Variants in ESCO2 observed in about 807,000 individuals in gnomAD.
ESCO2 encodes the protein establishment of sister chromatid cohesion N-acetyltransferase 2, also known as N-acetyltransferase ESCO2.
In ESCO2, 51 loss-of-function variants were observed where a neutral mutation model predicts 61.7. The ratio of observed to expected loss-of-function variants is 0.83; its 90% CI spans 0.66 to 1.04. ESCO2 has a LOEUF of 1.04. Ranked by LOEUF, ESCO2 falls within the 50% of genes least tolerant of loss-of-function variation. The probability of loss-of-function intolerance (pLI) is 0.00; values close to 1 mark genes in which losing one functional copy is unlikely to be tolerated. For synonymous variants in ESCO2, 230 were observed against 238.2 expected, an observed-to-expected ratio of 0.97 and a Z score of 0.32; for missense variants, 692 against 686.2, an observed-to-expected ratio of 1.01 and a Z score of -0.09.
chr8:27,793,484 T>G (rs533457631), intron 9 of ESCO2, among the ~76,000 whole-genome samples: 2 of 148,274 alleles, frequency 1.3e-5, no homozygotes, highest in African/African-American at 5.2e-5. Flanking sequence ...TCTTTGTTTT[T>G]TTTTTTTTTT....
At chr8:27,799,098 T>C (rs1309123699) in intron 9 of ESCO2, among the ~76,000 whole-genome samples, 1 of 151,972 alleles carries the variant, frequency 6.6e-6, no homozygotes, top group Non-Finnish European at 1.5e-5. Flanking sequence ...TCCTCTGTAG[T>C]GGTTTTTTTC....
downstream of ESCO2, chr8:27,808,213 G>A: frequency 8.1e-7 from 1 of 1,242,070 alleles, no homozygotes; most frequent in Non-Finnish European, 1.0e-6. Flanking sequence ...GATTAAATAG[G>A]TACCAGGAGA....
At chr8:27,801,969 A>ATTTTTTTTTTTTTTT (rs34539100) in intron 10 of ESCO2, among the ~76,000 whole-genome samples, 3 of 83,794 alleles carry the variant, frequency 3.6e-5, no homozygotes, top group Non-Finnish European at 6.4e-5. Flanking sequence ...CCTTCATGGC[A>ATTTTTTTTTTTTTTT]TTTTTTTTTT....
intron 4 of ESCO2, among the ~76,000 whole-genome samples, chr8:27,781,113 T>G (rs1190109468): frequency 1.3e-5 from 2 of 152,188 alleles, no homozygotes; most frequent in Non-Finnish European, 2.9e-5. Context: ...GGTATAAGGA[T>G]ATGGGAGAAA....
chr8:27,796,695 G>A (rs138735545), intron 9 of ESCO2, among the ~76,000 whole-genome samples: 18 of 152,190 alleles, frequency 1.2e-4, no homozygotes, highest in African/African-American at 4.1e-4. Flanking sequence ...TTTTCCTCCC[G>A]TCATTGATCT....
chr8:27,815,990 A>G (rs1035959579), downstream of ESCO2, among the ~76,000 whole-genome samples: 3 of 152,174 alleles, frequency 2.0e-5, no homozygotes, highest in South Asian at 6.2e-4. Context: ...ACTACATTCA[A>G]AGAGTTTAAG....
upstream of ESCO2, chr8:27,772,691 G>T: frequency 1.5e-6 from 1 of 686,390 alleles, no homozygotes. Flanking sequence ...GCCGGCCGTG[G>T]GCGCCATTTT....
Position 27,775,548 on chromosome 8 carries a change from G to T in ESCO2, c.34G>T (p.Asp12Tyr). 1 of 1,614,124 alleles carries T rather than the reference G, an allele frequency of 6.2e-7. No homozygotes were observed. Among genetic ancestry groups the T allele is most frequent in the Middle Eastern group, 1.6e-4 (1 of 6,062 alleles). Residue 12 changes from aspartate to tyrosine, a missense_variant, in exon 2 of 11, where the codon GAT becomes TAT. Transcript: ENST00000305188. Reference protein sequence around the residue: ...AALTPRKRKQDSLKCDSLLHF... With the variant: ...AALTPRKRKQYSLKCDSLLHF... ...TCTTACTCCAAGGAAGAGGAAGCAG[G>T]ATTCTTTGAAGTGTGACAGGTGAAT... is the stretch of plus-strand genomic sequence containing the variant.
At chr8:27,780,923 A>G (rs1804912352) in intron 4 of ESCO2, among the ~76,000 whole-genome samples, 1 of 152,200 alleles carries the variant, frequency 6.6e-6, no homozygotes, top group South Asian at 2.1e-4. Flanking sequence ...AATATAAGGC[A>G]GTGCTAAATA....
chr8:27,777,275 A>G lies in ESCO2; in HGVS notation c.861+106A>G, dbSNP rs111572938. 14 of 1,026,140 alleles carry G rather than the reference A, an allele frequency of 1.4e-5. 1 individual carries two copies. In the African/African-American group the frequency reaches 1.6e-4, roughly 12 times the overall value. 63.6% of individuals were successfully genotyped at this position (1,026,140 alleles called of 1,614,324 possible). A position where few individuals can be genotyped will look rare whatever the true frequency, so the allele number is the denominator to read the frequency against. On this transcript the variant is annotated intron_variant, in intron 3 of 10. Transcript: ENST00000305188. The stretch of plus-strand genomic sequence containing the variant: ...TTCTGGACTGCTTTTATAAAGCCAG[A>G]TAGCATAGTGTTTAGTTACTGTAAG...
At chr8:27,787,210 G>A (rs1397908344) in intron 5 of ESCO2, among the ~76,000 whole-genome samples, 1 of 152,100 alleles carries the variant, frequency 6.6e-6, no homozygotes, top group Non-Finnish European at 1.5e-5. Flanking sequence ...AAACATATCT[G>A]CTAGCTAGAT....
At chr8:27,807,951 A>G (rs184402732), downstream of ESCO2, among the ~76,000 whole-genome samples, 38 of 152,228 alleles carry the variant, frequency 2.5e-4, no homozygotes, top group Admixed American at 2.3e-3. Context: ...GGTGCCTTCT[A>G]TGAGGATGCC....
Position 27,776,523 on chromosome 8 carries a change from A to G in ESCO2, c.215A>G (p.Asn72Ser). ...TTEINRLPSA[N>S]QGSPFKSALS... ...GAAATAAATAGACTGCCATCAGCAA[A>G]TCAAGGCTCACCATTTAAATCTGCG... The change falls in exon 3 of 11, where the codon AAT (asparagine) becomes AGT (serine). Residue 72 changes from asparagine to serine, a missense_variant. Physicochemically the swap from Asn to Ser is conservative, Grantham distance 46. Coordinates refer to ENST00000305188, the MANE Select transcript of ESCO2 (RefSeq NM_001017420.3). 1.2e-6 allele frequency: 2 copies of G among 1,614,088 alleles called. No individual in the cohort carries two copies. Among genetic ancestry groups the G allele is most frequent in the African/African-American group, 1.3e-5 (1 of 75,048 alleles).
At chr8:27,818,563 C>T in the ESCO2 span, among the ~76,000 whole-genome samples, 1 of 152,092 alleles carries the variant, frequency 6.6e-6, no homozygotes, top group African/African-American at 2.4e-5. Flanking sequence ...TATATATTTT[C>T]CTAATTGCCA....
downstream of ESCO2, chr8:27,809,499 A>G (rs1190534769): frequency 6.6e-6 from 1 of 152,192 alleles, no homozygotes; most frequent in African/African-American, 2.4e-5. Flanking sequence ...TACAGAAACT[A>G]CTGATCCAAA....
intron 5 of ESCO2, among the ~76,000 whole-genome samples, chr8:27,786,855 C>G (rs1176524912): frequency 1.1e-5 from 1 of 94,626 alleles, no homozygotes; most frequent in Non-Finnish European, 2.1e-5. Flanking sequence ...ACTTTTGGTA[C>G]TAGGGTTTTT....
At chr8:27,774,079 G>C (rs1804719639), upstream of ESCO2, among the ~76,000 whole-genome samples, 2 of 152,142 alleles carry the variant, frequency 1.3e-5, no homozygotes, top group Non-Finnish European at 2.9e-5. Flanking sequence ...AAAATAAATA[G>C]AAACCTAAAG....
chr8:27,811,214 G>A (rs769419790), downstream of ESCO2: 24 of 1,192,092 alleles, frequency 2.0e-5, no homozygotes, highest in Admixed American at 2.1e-4. Flanking sequence ...ACAGGCGAAC[G>A]ATTTGAACAA....
chr8:27,795,740 G>A lies in ESCO2; in HGVS notation c.1497+2929G>A, dbSNP rs545989752. On this transcript the variant is annotated intron_variant, in intron 9 of 10. Coordinates refer to ENST00000305188, the MANE Select transcript of ESCO2 (RefSeq NM_001017420.3). ...TGAAAGGATGTTGGATGCCTTTTCT[G>A]TATTGAGATGATCATATAGTTTTGT... 5.6e-4 allele frequency among the ~76,000 whole-genome samples: 86 copies of A among 152,218 alleles called. 1 individual carries two copies. The highest frequency in any genetic ancestry group is 1.0e-3 in the Non-Finnish European group (71 of 67,990).
Sources: allele counts gnomAD v4.1 joint callset (sites outside exome capture counted in the v4.1 genomes callset), GRCh38; gene constraint gnomAD v4.1.1; transcripts MANE v1.5; gene names NCBI Gene and HGNC (gene_info 2026-07-23, HGNC 2026-07-21).